The following ACAD11 variants were observed in gnomAD, a reference collection of about 807,000 sequenced individuals.
ACAD11 encodes acyl-CoA dehydrogenase family member 11.
ACAD11 carries 83 observed loss-of-function variants against 102.2 expected under a neutral mutation model. The observed-to-expected ratio is 0.81, with a 90% CI of 0.68 to 0.97. ACAD11 has a LOEUF of 0.97. Among genes scored for constraint, ACAD11 ranks in the 50% least tolerant of loss-of-function variants. The pLI is 0.00. For missense variants in ACAD11, 901 were observed against 951.7 expected (o/e 0.95, Z 0.70); for synonymous variants, 324 against 319.8 (o/e 1.01, Z -0.14).
intron 17 of ACAD11, among the ~76,000 whole-genome samples, chr3:132,561,683 T>C (rs1167702967): frequency 6.6e-6 from 1 of 152,220 alleles, no homozygotes; most frequent in African/African-American, 2.4e-5. Context: ...TGTGTTGTTA[T>C]TGTTATTTAT....
chr3:132,627,446 C>T (rs565570223), intron 8 of ACAD11, among the ~76,000 whole-genome samples: 12 of 152,212 alleles, frequency 7.9e-5, no homozygotes, highest in Non-Finnish European at 1.2e-4. Context: ...CCGTCAGAAT[C>T]TCCAGAAGAA....
At chr3:132,562,712 A>G (rs1230774506) in intron 17 of ACAD11, among the ~76,000 whole-genome samples, 1 of 152,218 alleles carries the variant, frequency 6.6e-6, no homozygotes, top group Non-Finnish European at 1.5e-5. Context: ...CTGATTTGCC[A>G]TCTCTATACC....
chr3:132,607,990 T>G (rs1402002748), intron 11 of ACAD11, among the ~76,000 whole-genome samples: 1 of 152,096 alleles, frequency 6.6e-6, no homozygotes, highest in East Asian at 1.9e-4. Context: ...GAAAAGAAAT[T>G]TCCAACCCAG....
At chr3:132,566,818 A>G (rs1937227008) in intron 17 of ACAD11, among the ~76,000 whole-genome samples, 2 of 152,220 alleles carry the variant, frequency 1.3e-5, no homozygotes, top group South Asian at 4.1e-4. Flanking sequence ...GAAACCTTGG[A>G]AAATCAGGAA....
At chr3:132,609,349 G>A (rs1346809304) in intron 11 of ACAD11, among the ~76,000 whole-genome samples, 3 of 152,078 alleles carry the variant, frequency 2.0e-5, no homozygotes, top group Admixed American at 6.6e-5. Context: ...AATGAATCCA[G>A]GAGCTGTTTT....
At chr3:132,627,074 T>C (rs1466322752) in intron 8 of ACAD11, 1 of 284,516 alleles carries the variant, frequency 3.5e-6, no homozygotes, top group Non-Finnish European at 6.6e-6. Flanking sequence ...CAAGCAATGT[T>C]AGTGATAGAT....
chr3:132,647,059 A>C (rs1231890469), intron 1 of ACAD11: 1 of 152,234 alleles, frequency 6.6e-6, no homozygotes, highest in African/African-American at 2.4e-5. Flanking sequence ...TGTACACTTT[A>C]AAACGGTTAA....
At chr3:132,584,434 A>G (rs898222751) in intron 13 of ACAD11, among the ~76,000 whole-genome samples, 5 of 151,826 alleles carry the variant, frequency 3.3e-5, no homozygotes, top group African/African-American at 9.7e-5. Context: ...CCAGCCCTTT[A>G]TTTTGAGCCT....
chr3:132,630,153 C>T (rs1376803758), intron 7 of ACAD11, among the ~76,000 whole-genome samples: 1 of 152,176 alleles, frequency 6.6e-6, no homozygotes, highest in Non-Finnish European at 1.5e-5. Context: ...CAGGAAATGA[C>T]TAATCCTTAC....
At chr3:132,564,746 C>T (rs1001563203) in intron 17 of ACAD11, among the ~76,000 whole-genome samples, 3 of 152,106 alleles carry the variant, frequency 2.0e-5, no homozygotes, top group East Asian at 1.9e-4. Flanking sequence ...AGGATGGAAT[C>T]GATATATTTT....
chr3:132,637,863 T>C (rs1940332183), intron 5 of ACAD11, among the ~76,000 whole-genome samples: 1 of 152,216 alleles, frequency 6.6e-6, no homozygotes, highest in South Asian at 2.1e-4. Flanking sequence ...TTCTTCTTTC[T>C]TAATTGTTGT....
At chr3:132,611,675 A>G (rs1939156099) in intron 11 of ACAD11, among the ~76,000 whole-genome samples, 1 of 152,004 alleles carries the variant, frequency 6.6e-6, no homozygotes, top group Admixed American at 6.5e-5. Flanking sequence ...AAGGGATGTG[A>G]AGGACCTCTT....
At chr3:132,603,500 TGAAA>T (rs1938706241) in intron 12 of ACAD11, among the ~76,000 whole-genome samples, 173 bp from the exon 13 acceptor site, 1 of 152,202 alleles carries the variant, frequency 6.6e-6, no homozygotes, top group Non-Finnish European at 1.5e-5. Context: ...AAACGTGCAC[TGAAA>T]GAATGAGTGA....
intron 13 of ACAD11, among the ~76,000 whole-genome samples, chr3:132,602,761 T>C (rs796247302): frequency 1.4e-4 from 22 of 152,316 alleles, no homozygotes; most frequent in African/African-American, 4.8e-4. Context: ...TCAACCACTA[T>C]TTCTAAGTTT....
intron 11 of ACAD11, 32 bp downstream of exon 11, chr3:132,618,602 G>A (rs745774119): frequency 1.3e-6 from 2 of 1,507,742 alleles, no homozygotes; most frequent in African/African-American, 1.4e-5. Context: ...CAAAATATTA[G>A]AAAAAATTAT....
chr3:132,571,618 G>GT (rs1937385649), intron 17 of ACAD11, among the ~76,000 whole-genome samples: 1 of 151,958 alleles, frequency 6.6e-6, no homozygotes, highest in Admixed American at 6.6e-5. Context: ...GTCTTCCAGG[G>GT]TTTTTATAGT....
In ACAD11 at chr3:132,626,485, T is replaced by C. The variant is rs117720708; in HGVS notation, c.1197+206A>G. ...GTTAGGCTCCCAATGTTAAAACTAC[T>C]AATTCTCTTTGGCTTAATTTTAATG... On this transcript the variant is annotated intron_variant, in intron 9 of 19. Transcript: ENST00000264990. Among the ~76,000 whole-genome samples, 186 of 152,310 alleles carry C rather than the reference T, an allele frequency of 1.2e-3. 2 individuals are homozygous for C. In the East Asian group the frequency reaches 0.023, roughly 19 times the overall value.
chr3:132,652,191 C>T (rs550355099), intron 1 of ACAD11, among the ~76,000 whole-genome samples: 1 of 152,080 alleles, frequency 6.6e-6, no homozygotes, highest in Non-Finnish European at 1.5e-5. Flanking sequence ...CTGTGCTGTT[C>T]TCATGATGGT....
intron 17 of ACAD11, among the ~76,000 whole-genome samples, chr3:132,571,728 T>A (rs1003472417): frequency 6.6e-6 from 1 of 152,174 alleles, no homozygotes; most frequent in Non-Finnish European, 1.5e-5. Flanking sequence ...CAGTAGGCTA[T>A]ATCCTTGGGA....
Sources: allele counts gnomAD v4.1 joint callset (sites outside exome capture counted in the v4.1 genomes callset), GRCh38; gene constraint gnomAD v4.1.1; transcripts MANE v1.5; gene names NCBI Gene and HGNC (gene_info 2026-07-23, HGNC 2026-07-21).